Variants in PDE1A observed in about 807,000 individuals in gnomAD.
The protein encoded by PDE1A is dual specificity calcium/calmodulin-dependent 3',5'-cyclic nucleotide phosphodiesterase 1A.
In PDE1A, 35 loss-of-function variants were observed where a neutral mutation model predicts 61.7. The observed-to-expected ratio is 0.57, with a 90% CI of 0.43 to 0.75. The LOEUF is 0.75. Among genes scored for constraint, PDE1A ranks in the 30% least tolerant of loss-of-function variants. PDE1A has a pLI of 0.00. For missense variants in PDE1A, 597 were observed against 630.6 expected, an observed-to-expected ratio of 0.95 and a Z score of 0.57; for synonymous variants, 232 against 213.2, an observed-to-expected ratio of 1.09 and a Z score of -0.77.
the PDE1A span, among the ~76,000 whole-genome samples, chr2:182,572,089 T>C: frequency 6.6e-6 from 1 of 152,170 alleles, no homozygotes; most frequent in Non-Finnish European, 1.5e-5. Flanking sequence ...TTTATGTCTC[T>C]ACAGATCCAG....
chr2:182,325,847 A>G (rs573271516), intron 1 of PDE1A, among the ~76,000 whole-genome samples: 1 of 152,166 alleles, frequency 6.6e-6, no homozygotes, highest in Non-Finnish European at 1.5e-5. Flanking sequence ...TGAACCCAGG[A>G]GGCAGAGATT....
upstream of PDE1A, among the ~76,000 whole-genome samples, chr2:182,430,044 C>A (rs1243550923): frequency 6.6e-6 from 1 of 152,022 alleles, no homozygotes; most frequent in Non-Finnish European, 1.5e-5. Flanking sequence ...AGGAGGGAAA[C>A]GAAACTGCAA....
At chr2:182,490,536 A>G (rs1688316645) in intron 2 of PDE1A, among the ~76,000 whole-genome samples, 1 of 151,916 alleles carries the variant, frequency 6.6e-6, no homozygotes, top group Non-Finnish European at 1.5e-5. Context: ...CGCCCAGCTA[A>G]TTTTGTTTTT....
chr2:182,300,211 T>C (rs1695150255), intron 1 of PDE1A, among the ~76,000 whole-genome samples: 1 of 152,204 alleles, frequency 6.6e-6, no homozygotes. Context: ...GTGAGCTGGA[T>C]GTTAAACAGA....
the PDE1A span, among the ~76,000 whole-genome samples, chr2:182,690,265 G>A: frequency 1.3e-5 from 2 of 152,198 alleles, no homozygotes; most frequent in East Asian, 1.9e-4. Flanking sequence ...GATGAACATC[G>A]ATGCAAAATC....
At chr2:182,470,533 T>C (rs1440528682) in intron 2 of PDE1A, among the ~76,000 whole-genome samples, 1 of 151,734 alleles carries the variant, frequency 6.6e-6, no homozygotes, top group Admixed American at 6.6e-5. Flanking sequence ...GAGAGAGAAA[T>C]AGGAAATTTC....
intron 13 of PDE1A, among the ~76,000 whole-genome samples, chr2:182,161,020 GT>G (rs770507036): frequency 1.3e-5 from 2 of 152,192 alleles, no homozygotes; most frequent in Non-Finnish European, 1.5e-5. Flanking sequence ...GAGGTAAGGA[GT>G]TCAGTGACTA....
the PDE1A span, among the ~76,000 whole-genome samples, chr2:182,621,294 C>T: frequency 1.3e-5 from 2 of 152,156 alleles, no homozygotes; most frequent in East Asian, 1.9e-4. Flanking sequence ...GAATCTTTTG[C>T]TATCTGCAGT....
At chr2:182,296,871 A>G (rs923571221) in intron 1 of PDE1A, among the ~76,000 whole-genome samples, 3 of 152,326 alleles carry the variant, frequency 2.0e-5, no homozygotes, top group Non-Finnish European at 2.9e-5. Flanking sequence ...AGGTGGAAAA[A>G]GAAGGAACTC....
chr2:182,631,165 G>T, the PDE1A span, among the ~76,000 whole-genome samples: 1 of 152,154 alleles, frequency 6.6e-6, no homozygotes, highest in South Asian at 2.1e-4. Flanking sequence ...GAAAGTCAAT[G>T]GTGTACATTC....
At chr2:182,606,486 G>A in the PDE1A span, among the ~76,000 whole-genome samples, 7 of 152,030 alleles carry the variant, frequency 4.6e-5, no homozygotes, top group Non-Finnish European at 1.0e-4. Flanking sequence ...CCTCCTCAAG[G>A]TATTTATATA....
the PDE1A span, among the ~76,000 whole-genome samples, chr2:182,567,667 A>G: frequency 6.6e-6 from 1 of 152,196 alleles, no homozygotes; most frequent in Non-Finnish European, 1.5e-5. Context: ...TGAAAAAATA[A>G]TATTCATTTT....
the PDE1A span, among the ~76,000 whole-genome samples, chr2:182,628,226 C>T: frequency 6.6e-6 from 1 of 152,150 alleles, no homozygotes; most frequent in African/African-American, 2.4e-5. Flanking sequence ...GTGAAGTAAG[C>T]AATGTCTGAG....
the PDE1A span, among the ~76,000 whole-genome samples, chr2:182,690,692 A>G: frequency 3.9e-5 from 6 of 152,178 alleles, no homozygotes; most frequent in African/African-American, 7.2e-5. Flanking sequence ...CAATCGGGCA[A>G]GAGAAAGAAA....
chr2:182,579,668 G>A, the PDE1A span, among the ~76,000 whole-genome samples: 8 of 152,204 alleles, frequency 5.3e-5, no homozygotes, highest in East Asian at 1.2e-3. Flanking sequence ...TTTGAAAGAC[G>A]GGGATAACTG....
the PDE1A span, among the ~76,000 whole-genome samples, chr2:182,697,900 A>G: frequency 2.0e-5 from 3 of 152,236 alleles, no homozygotes; most frequent in Non-Finnish European, 4.4e-5. Flanking sequence ...GCTACAATTC[A>G]GGCAACAAAT....
intron 6 of PDE1A, among the ~76,000 whole-genome samples, chr2:182,229,106 C>A (rs1689364395): frequency 6.6e-6 from 1 of 152,068 alleles, no homozygotes. Flanking sequence ...ATGACACCCA[C>A]ATCTCTTCAA....
intron 13 of PDE1A, chr2:182,185,650 A>T: frequency 1.7e-6 from 1 of 573,242 alleles, no homozygotes; most frequent in Non-Finnish European, 3.0e-6. Flanking sequence ...TTCAGTATCC[A>T]GTTTGCCAGC....
chr2:182,266,862 A>T (rs1692669522), intron 1 of PDE1A, among the ~76,000 whole-genome samples: 1 of 152,162 alleles, frequency 6.6e-6, no homozygotes, highest in Non-Finnish European at 1.5e-5. Context: ...AAAAAATGGA[A>T]GTGGCCTGGA....
Sources: gnomAD v4.1 joint callset for allele counts (sites outside exome capture counted in the v4.1 genomes callset) on GRCh38, gnomAD v4.1.1 for gene constraint, MANE v1.5 for transcripts, NCBI Gene and HGNC (gene_info 2026-07-23, HGNC 2026-07-21) for gene names.